LRCH2: variants seen among roughly 807,000 people sequenced by gnomAD.
LRCH2 encodes leucine-rich repeat and calponin homology domain-containing protein 2.
In LRCH2, 38 loss-of-function variants were observed where a neutral mutation model predicts 68.9. That is an observed-to-expected ratio of 0.55 (90% CI 0.43 to 0.72). The LOEUF (loss-of-function observed/expected upper bound fraction) is 0.72, where lower values mean the gene tolerates loss of function less well. LRCH2 is among the 30% of genes least tolerant of loss of function. LRCH2 has a pLI of 0.00. For synonymous variants in LRCH2, 191 were observed against 208.1 expected, an observed-to-expected ratio of 0.92 and a Z score of 0.71; for missense variants, 528 against 572.9, an observed-to-expected ratio of 0.92 and a Z score of 0.80.
At chrX:115,156,511 TTTAA>T (rs2072476024) in intron 12 of LRCH2, 87 bp downstream of exon 12, 3 of 491,124 alleles carry the variant, frequency 6.1e-6, no homozygotes, top group Non-Finnish European at 6.4e-6. Context: ...GTATCACTTA[TTTAA>T]TTAAAGCCTA....
intron 5 of LRCH2, among the ~76,000 whole-genome samples, chrX:115,173,084 A>T (rs2072617098): frequency 9.0e-6 from 1 of 111,684 alleles, no homozygotes; most frequent in Non-Finnish European, 1.9e-5. Flanking sequence ...AGCCATGCTG[A>T]TTAGCACTCC....
intron 4 of LRCH2, 21 bp from the exon 5 acceptor site, chrX:115,179,584 AT>A: frequency 9.1e-7 from 1 of 1,101,236 alleles, no homozygotes; most frequent in East Asian, 3.4e-5. Context: ...ATGAAAAATA[AT>A]TAATTAAATT....
chrX:115,228,924 T>G (rs2073136171), intron 1 of LRCH2, among the ~76,000 whole-genome samples: 1 of 111,242 alleles, frequency 9.0e-6, no homozygotes, highest in Admixed American at 9.6e-5. Context: ...CTATTATATA[T>G]TATAGTGAAA....
At chrX:115,113,930 C>G (rs1392755894) in intron 20 of LRCH2, among the ~76,000 whole-genome samples, 1 of 111,170 alleles carries the variant, frequency 9.0e-6, no homozygotes, top group African/African-American at 3.3e-5. Context: ...TGTCTTCACT[C>G]TCTTCTCTTT....
intron 1 of LRCH2, chrX:115,192,233 A>G: frequency 8.6e-7 from 1 of 1,159,796 alleles, no homozygotes; most frequent in African/African-American, 1.8e-5. Context: ...CGCGGCCTCA[A>G]CAGTTCCAAC....
Position 115,113,341 on chromosome X carries a change from GA to G in LRCH2, c.2179-7del, listed in dbSNP as rs781862518. The G allele has an allele frequency of 1.8e-5, 21 of 1,152,602 alleles. No homozygotes were observed. In the Admixed American group the frequency reaches 4.8e-4, roughly 26 times the overall value. The allele number at this position is 1,152,602 out of a possible 1,213,427, so 95.0% of individuals were successfully genotyped here. ...TGAGGCAAACAAAGTCTTTCCTGGA[GA>G]AAAAAAAGAGATATTTGAACATTCA... On this transcript the variant is annotated splice_region_variant and splice_polypyrimidine_tract_variant and intron_variant, in intron 20 of 20. Transcript: ENST00000317135.
intron 14 of LRCH2, among the ~76,000 whole-genome samples, chrX:115,144,603 T>G (rs1255497812): frequency 9.1e-6 from 1 of 109,978 alleles, no homozygotes; most frequent in Non-Finnish European, 1.9e-5. Context: ...TCTGTAAAGT[T>G]GCAGGATACA....
chrX:115,162,057 C>G (rs376808979), intron 11 of LRCH2, among the ~76,000 whole-genome samples: 1 of 106,650 alleles, frequency 9.4e-6, no homozygotes. Context: ...GTGGCTAGGA[C>G]CACAGGTGCA....
chrX:115,164,604 TA>T (rs2072543807), intron 10 of LRCH2, among the ~76,000 whole-genome samples: 3 of 111,508 alleles, frequency 2.7e-5, no homozygotes, highest in African/African-American at 9.7e-5. Flanking sequence ...GAGAAAAGTT[TA>T]AAAATCAAAG....
chrX:115,186,841 C>T (rs1603069107), intron 2 of LRCH2, among the ~76,000 whole-genome samples: 1 of 74,071 alleles, frequency 1.4e-5, no homozygotes, highest in Admixed American at 2.0e-4. Context: ...TTTTTTGAGA[C>T]AGAGTCTTAC....
chrX:115,126,738 T>A (rs2072203183), intron 16 of LRCH2, 105 bp downstream of exon 16: 1 of 556,601 alleles, frequency 1.8e-6, no homozygotes, highest in Non-Finnish European at 2.7e-6. Flanking sequence ...TAAATTATAT[T>A]GCAAAAAAAA....
At chrX:115,218,830 C>T (rs781976265) in intron 1 of LRCH2, among the ~76,000 whole-genome samples, 3 of 112,108 alleles carry the variant, frequency 2.7e-5, no homozygotes, top group Non-Finnish European at 5.6e-5. Context: ...TGTACTTTCC[C>T]TTTCGATAAA....
At position 115,189,816 on chromosome X, in the gene LRCH2, C is replaced by T. The variant is rs2072768906; in HGVS notation, c.350-1446G>A. ...GCCCACAGCGACCCCCCTCTCAGGG[C>T]AGGCCTGATGACGGCCGCGGCTACG... On this transcript the variant is annotated intron_variant, in intron 1 of 20. Transcript: ENST00000317135. The T allele has an allele frequency of 6.0e-6, 7 of 1,166,395 alleles. No homozygotes were observed. The Admixed American group carries it at 7.7e-5, about 13-fold the overall frequency.
chrX:115,142,130 T>C (rs1241733998), intron 14 of LRCH2, among the ~76,000 whole-genome samples: 4 of 111,635 alleles, frequency 3.6e-5, no homozygotes, highest in African/African-American at 1.3e-4. Context: ...TTTGTAAGTA[T>C]ATATGCACCC....
chrX:115,219,305 G>A lies in LRCH2; in HGVS notation c.349+14388C>T, dbSNP rs190714681. 3.6e-5 allele frequency among the ~76,000 whole-genome samples: 4 copies of A among 111,581 alleles called. No individual in the cohort carries two copies. The East Asian group carries it at 8.5e-4, about 24-fold the overall frequency. ...AATAATACTGTATTTACAGAGCAAG[G>A]ACCATCCTTACCTGAGCTATTTGAT... On this transcript the variant is annotated intron_variant, in intron 1 of 20. Transcript: ENST00000317135.
At chrX:115,197,847 T>TCTCTCTCTCTCTCAAA (rs782358260) in intron 1 of LRCH2, among the ~76,000 whole-genome samples, 1 of 20,569 alleles carries the variant, frequency 4.9e-5, no homozygotes, top group Non-Finnish European at 8.2e-5. Flanking sequence ...TCTCTCTCTC[T>TCTCTCTCTCTCTCAAA]CACACACACA....
At chrX:115,225,752 G>A (rs781942773) in intron 1 of LRCH2, among the ~76,000 whole-genome samples, 99 of 111,407 alleles carry the variant, frequency 8.9e-4, no homozygotes, top group African/African-American at 3.0e-3. Flanking sequence ...TTTAAAAAAG[G>A]ACAACCAACC....
chrX:115,190,176 G>T (rs782396163), intron 1 of LRCH2: 7 of 1,165,153 alleles, frequency 6.0e-6, no homozygotes, highest in Admixed American at 2.6e-5. Context: ...CACTGCCCCC[G>T]TGCCGCGACC....
At position 115,147,601 on chromosome X, in the gene LRCH2, TAGA is replaced by T. The variant is rs201827908; in HGVS notation, c.1695+2223_1695+2225del. 5.1e-3 allele frequency among the ~76,000 whole-genome samples: 565 copies of T among 111,665 alleles called. 29 individuals carry two copies. In the East Asian group the frequency reaches 0.13, roughly 26 times the overall value. ...TAACTTTATAACATAACTAATATTA[TAGA>T]AGATGTTTATTTTATAAAAAATAAA... is the stretch of plus-strand genomic sequence containing the variant. On this transcript the variant is annotated intron_variant, in intron 14 of 20. Coordinates refer to ENST00000317135, the MANE Select transcript of LRCH2 (RefSeq NM_020871.4).
Sources: allele counts gnomAD v4.1 joint callset (sites outside exome capture counted in the v4.1 genomes callset), GRCh38; gene constraint gnomAD v4.1.1; transcripts MANE v1.5; gene names NCBI Gene and HGNC (gene_info 2026-07-23, HGNC 2026-07-21).